CRYZL1: variants seen among roughly 807,000 people sequenced by gnomAD.
CRYZL1 encodes the protein crystallin zeta like 1, also known as ferry endosomal RAB5 effector complex subunit 4.
A neutral mutation model predicts 50.6 loss-of-function variants in CRYZL1; 34 were observed. The observed-to-expected ratio is 0.67, with a 90% CI of 0.51 to 0.89. The LOEUF (loss-of-function observed/expected upper bound fraction) is 0.89. Ranked by LOEUF, CRYZL1 falls within the 40% of genes least tolerant of loss-of-function variation. The pLI is 0.00. For missense variants in CRYZL1, 354 were observed against 402.3 expected, an observed-to-expected ratio of 0.88 and a Z score of 1.03; for synonymous variants, 125 against 134.3, an observed-to-expected ratio of 0.93 and a Z score of 0.48.
chr21:33,596,593 A>G (rs1290475443), intron 10 of CRYZL1, among the ~76,000 whole-genome samples: 1 of 152,110 alleles, frequency 6.6e-6, no homozygotes, highest in Non-Finnish European at 1.5e-5. Context: ...AGCCGAGATC[A>G]TGCCATTGTG....
At chr21:33,616,820 C>T (rs890655756) in intron 4 of CRYZL1, 70 bp from the exon 5 acceptor site, 2 of 1,303,900 alleles carry the variant, frequency 1.5e-6, no homozygotes, top group Non-Finnish European at 1.0e-6. Context: ...TATTAAAATA[C>T]ATTTTTAAAA....
At chr21:33,622,810 A>G (rs1414628179) in intron 3 of CRYZL1, among the ~76,000 whole-genome samples, 2 of 152,082 alleles carry the variant, frequency 1.3e-5, no homozygotes, top group African/African-American at 4.8e-5. Context: ...AAAAGAAATT[A>G]ATTCTCTTCT....
At chr21:33,622,136 G>C in intron 3 of CRYZL1, 68 bp from the exon 4 acceptor site, 1 of 1,227,268 alleles carries the variant, frequency 8.1e-7, no homozygotes, top group Non-Finnish European at 1.2e-6. Flanking sequence ...TATATATGAG[G>C]AAAGCGAGAG....
chr21:33,636,539 T>C (rs1191580768), intron 1 of CRYZL1, among the ~76,000 whole-genome samples: 1 of 152,150 alleles, frequency 6.6e-6, no homozygotes, highest in Non-Finnish European at 1.5e-5. Context: ...ATATTGGCCA[T>C]ACAGTAAACT....
chr21:33,636,138 T>C (rs2087204307), intron 1 of CRYZL1, among the ~76,000 whole-genome samples: 1 of 152,194 alleles, frequency 6.6e-6, no homozygotes, highest in Non-Finnish European at 1.5e-5. Context: ...CTCACACCTG[T>C]CATCCCAACA....
chr21:33,590,635 C>T (rs991837036), intron 12 of CRYZL1, among the ~76,000 whole-genome samples: 8 of 150,576 alleles, frequency 5.3e-5, no homozygotes, highest in African/African-American at 7.3e-5. Flanking sequence ...AGGCTGGTCT[C>T]GAACTCCTGA....
chr21:33,634,883 AT>A (rs2087185525), intron 1 of CRYZL1, among the ~76,000 whole-genome samples: 1 of 10,354 alleles, frequency 9.7e-5, no homozygotes, highest in Non-Finnish European at 1.6e-4. Flanking sequence ...CAACAACAAT[AT>A]ATATATATAT....
At chr21:33,605,428 C>T (rs957326223) in intron 6 of CRYZL1, among the ~76,000 whole-genome samples, 1 of 151,750 alleles carries the variant, frequency 6.6e-6, no homozygotes, top group African/African-American at 2.4e-5. Context: ...AAAAGTTCCG[C>T]ATGATCTGAC....
At chr21:33,617,704 G>A (rs966837441) in intron 4 of CRYZL1, among the ~76,000 whole-genome samples, 5 of 152,126 alleles carry the variant, frequency 3.3e-5, no homozygotes, top group Non-Finnish European at 7.3e-5. Flanking sequence ...TAATCAGAAC[G>A]GAACAGAACA....
At chr21:33,592,430 C>A (rs1393809831) in intron 11 of CRYZL1, among the ~76,000 whole-genome samples, 1 of 152,114 alleles carries the variant, frequency 6.6e-6, no homozygotes, top group Non-Finnish European at 1.5e-5. Context: ...AGCCACTGCC[C>A]CCAGCCTCCA....
At chr21:33,637,760 C>CATATATATATAT (rs10536195) in intron 1 of CRYZL1, among the ~76,000 whole-genome samples, 134 of 131,698 alleles carry the variant, frequency 1.0e-3, no homozygotes, top group Middle Eastern at 3.7e-3. Context: ...AAGAGAAAAA[C>CATATATATATAT]ATATATATAT....
intron 11 of CRYZL1, chr21:33,595,448 A>G: frequency 7.3e-7 from 1 of 1,372,120 alleles, no homozygotes; most frequent in South Asian, 1.2e-5. Context: ...AAGGAGAGAG[A>G]CTGCCTGAGT....
chr21:33,622,029 C>A lies in CRYZL1; in HGVS notation c.184G>T (p.Val62Phe). 1.2e-6 allele frequency: 2 copies of A among 1,612,806 alleles called. No homozygotes were observed. Among genetic ancestry groups the A allele is most frequent in the Non-Finnish European group, 1.7e-6 (2 of 1,179,056 alleles). Residue 62 changes from valine (V) to phenylalanine (F), a missense_variant, in exon 4 of 13, where the codon GTT becomes TTT. By Grantham distance (50) the Val-to-Phe change is conservative. Transcript: ENST00000381554. ...ACAATTCCAGCAATTTCTCTCCCAA[C>A]AGGAAATAAATCCTTTTTCATCTTC... ...EMKMKKDLFP[V>F]GREIAGIVLD...
intron 1 of CRYZL1, among the ~76,000 whole-genome samples, chr21:33,635,993 T>G (rs758770600): frequency 6.6e-6 from 1 of 151,672 alleles, no homozygotes; most frequent in Non-Finnish European, 1.5e-5. Flanking sequence ...AATAAATAAA[T>G]GAACAAATAA....
chr21:33,625,280 A>G (rs1312769515), intron 2 of CRYZL1, among the ~76,000 whole-genome samples: 1 of 149,094 alleles, frequency 6.7e-6, no homozygotes, highest in Non-Finnish European at 1.5e-5. Context: ...CTCAGCCTCC[A>G]CAGTAGCTGG....
chr21:33,618,659 G>C (rs1356337908), intron 4 of CRYZL1, among the ~76,000 whole-genome samples: 3 of 152,144 alleles, frequency 2.0e-5, no homozygotes, highest in African/African-American at 7.2e-5. Context: ...TCGAAGCCTG[G>C]TATTTCTACT....
intron 9 of CRYZL1, 49 bp downstream of exon 9, chr21:33,599,101 C>A (rs748178422): frequency 1.0e-5 from 16 of 1,565,456 alleles, no homozygotes; most frequent in Middle Eastern, 3.4e-4. Context: ...TTCTTAAATT[C>A]ATCAAACTAA....
chr21:33,623,742 G>T (rs1569090773), intron 3 of CRYZL1, among the ~76,000 whole-genome samples: 1 of 152,046 alleles, frequency 6.6e-6, no homozygotes, highest in East Asian at 1.9e-4. Flanking sequence ...GTAAACTATG[G>T]CATTAATCCT....
intron 6 of CRYZL1, among the ~76,000 whole-genome samples, chr21:33,605,942 G>C: frequency 6.6e-6 from 1 of 152,076 alleles, no homozygotes. Context: ...AGAGTAGTCA[G>C]CACTGCATTT....
Sources: allele counts gnomAD v4.1 joint callset (sites outside exome capture counted in the v4.1 genomes callset), GRCh38; gene constraint gnomAD v4.1.1; transcripts MANE v1.5; gene names NCBI Gene and HGNC (gene_info 2026-07-23, HGNC 2026-07-21).